The following EML1 variants were observed in gnomAD, a reference collection of about 807,000 sequenced individuals.
EML1 encodes the protein echinoderm microtubule-associated protein-like 1.
Under a neutral mutation model 110.4 loss-of-function variants are expected in EML1, and 27 were observed. The ratio of observed to expected loss-of-function variants is 0.24; its 90% CI spans 0.18 to 0.34. The LOEUF (loss-of-function observed/expected upper bound fraction) is 0.34. Among genes scored for constraint, EML1 ranks in the 10% least tolerant of loss-of-function variants. The pLI, the probability that EML1 is intolerant of heterozygous loss-of-function variation, is 1.00. For synonymous variants in EML1, 344 were observed against 385.8 expected, an observed-to-expected ratio of 0.89 and a Z score of 1.27; for missense variants, 741 against 1,030.9, an observed-to-expected ratio of 0.72 and a Z score of 3.85.
chr14:99,756,600 T>C lies in EML1; in HGVS notation c.28+18740T>C, dbSNP rs114653557. 4.6e-3 allele frequency among the ~76,000 whole-genome samples: 699 copies of C among 152,304 alleles called. 4 individuals are homozygous for C. Among genetic ancestry groups the C allele is most frequent in the African/African-American group, 0.016 (664 of 41,564 alleles). ...CTATACCTAAAGAATGGTGGGGTCA[T>C]CGACCCAATTTCTAGCACCTAAAAC... On this transcript the variant is annotated intron_variant, in intron 1 of 10. Transcript: ENST00000554479.
chr14:99,923,356 G>A (rs1432445535), intron 17 of EML1, among the ~76,000 whole-genome samples: 2 of 152,202 alleles, frequency 1.3e-5, no homozygotes, highest in Non-Finnish European at 2.9e-5. Flanking sequence ...CCAAGATCAT[G>A]AATATTTCCT....
chr14:99,899,117 G>A (rs938066348), intron 8 of EML1, among the ~76,000 whole-genome samples: 23 of 152,046 alleles, frequency 1.5e-4, no homozygotes, highest in Admixed American at 6.5e-5. Context: ...GCATTTTAAG[G>A]CGTTAGAGAG....
rs765071081 is a variant in EML1, at chr14:99,781,058, CTCCT to C, written c.-27+7048_-27+7051del. Among the ~76,000 whole-genome samples the C allele has an allele frequency of 3.9e-5, 6 of 152,124 alleles. No homozygotes were observed. The highest frequency in any genetic ancestry group is 8.8e-5 in the Non-Finnish European group (6 of 68,016). The stretch of plus-strand genomic sequence containing the variant: ...TCCTCTCCCGGGTGATGAAGCATCT[CTCCT>C]TCTTTCCAAGGACACGCGCCCCTGC... On this transcript the variant is annotated intron_variant, in intron 1 of 22. Transcript: ENST00000327921. This position sits in a 1 kb window ranked among gnomAD's most constrained non-coding sequence, Gnocchi z 4.2.
rs148031391 is a variant in EML1 at position 99,802,224 on chromosome 14, G to A, written c.67+8681G>A. Among the ~76,000 whole-genome samples the A allele has an allele frequency of 1.2e-3, 187 of 152,230 alleles. 3 individuals carry two copies. Among genetic ancestry groups the A allele is most frequent in the Middle Eastern group, 6.8e-3 (2 of 294 alleles). The stretch of plus-strand genomic sequence containing the variant: ...GAACTGAAAGAAGGTTGCCTGTGGT[G>A]AAAGGGAAAGGAGTAGCGTGGCTTG... On this transcript the variant is annotated intron_variant, in intron 1 of 21. Coordinates refer to ENST00000262233, the MANE Select transcript of EML1 (RefSeq NM_004434.3).
At position 99,939,311 on chromosome 14, in the gene EML1, C is replaced by T. The variant is rs1489609242; in HGVS notation, c.2306C>T (p.Pro769Leu). The T allele has an allele frequency of 1.9e-6, 3 of 1,614,204 alleles. No individual in the cohort carries two copies. The highest frequency in any genetic ancestry group is 2.5e-6 in the Non-Finnish European group (3 of 1,180,040). Reference sequence around the variant, plus strand: ...GGCAAAGTGCACCTCTTCTCATACCCCTGCTCGCAGTTCAGGGTAAAGGAC... The same window carrying T: ...GGCAAAGTGCACCTCTTCTCATACCTCTGCTCGCAGTTCAGGGTAAAGGAC... ...DFGKVHLFSY[P>L]CSQFRAPSHI... The change falls in exon 21 of 22, where the codon CCC becomes CTC. Residue 769 changes from proline (P) to leucine (L), a missense_variant. Around this residue, in one of 4 missense-constraint regions of EML1, gnomAD observed 114 missense variants for 122.5 expected, o/e 0.93. Transcript: ENST00000262233. This position sits in a 1 kb window ranked among gnomAD's most constrained non-coding sequence, Gnocchi z 4.2.
intron 3 of EML1, chr14:99,874,991 A>AG (rs1258719774): frequency 6.2e-7 from 1 of 1,613,268 alleles, no homozygotes; most frequent in Admixed American, 1.7e-5. Flanking sequence ...CACCAAGGTG[A>AG]GGGGAACTTA....
intron 4 of EML1, among the ~76,000 whole-genome samples, chr14:99,882,438 A>T (rs2059400674): frequency 6.6e-6 from 1 of 152,200 alleles, no homozygotes; most frequent in South Asian, 2.1e-4. Context: ...TAAGCAAGAC[A>T]CTGTTTCAGC....
chr14:99,922,483 C>T (rs1384505991), intron 17 of EML1, among the ~76,000 whole-genome samples: 1 of 151,892 alleles, frequency 6.6e-6, no homozygotes, highest in Non-Finnish European at 1.5e-5. Flanking sequence ...CATGTATATG[C>T]CTTTTTGTGT....
intron 19 of EML1, 151 bp from the exon 20 acceptor site, chr14:99,937,666 A>C: frequency 1.6e-6 from 1 of 626,214 alleles, no homozygotes. Flanking sequence ...ACATCTGTGC[A>C]CACGTGGTTC....
At chr14:99,739,797 C>T (rs965153432) in intron 1 of EML1, among the ~76,000 whole-genome samples, 10 of 152,204 alleles carry the variant, frequency 6.6e-5, no homozygotes, top group South Asian at 2.1e-4. Flanking sequence ...GATTCCTGCC[C>T]GGCAGCAACC....
At chr14:99,847,836 A>G (rs1051450137) in intron 1 of EML1, among the ~76,000 whole-genome samples, 4 of 151,484 alleles carry the variant, frequency 2.6e-5, no homozygotes, top group African/African-American at 9.7e-5. Flanking sequence ...TATACTTATT[A>G]TTTCCATGGT....
At chr14:99,868,029 A>G (rs2059131294) in intron 3 of EML1, among the ~76,000 whole-genome samples, 1 of 152,106 alleles carries the variant, frequency 6.6e-6, no homozygotes, top group East Asian at 1.9e-4. Flanking sequence ...TATCATGAAA[A>G]GGAGTTGAAT....
intron 4 of EML1, among the ~76,000 whole-genome samples, chr14:99,881,867 G>A (rs1399461499): frequency 6.6e-6 from 1 of 152,080 alleles, no homozygotes; most frequent in Non-Finnish European, 1.5e-5. Flanking sequence ...CCAAAGTGCT[G>A]GGATTACAGG....
intron 9 of EML1, chr14:99,907,431 G>A (rs1401450594): frequency 3.4e-6 from 2 of 581,184 alleles, no homozygotes; most frequent in East Asian, 2.9e-5. Context: ...TTGCACCACT[G>A]CACTGTGACC....
At chr14:99,808,372 A>G (rs1333675099) in intron 1 of EML1, among the ~76,000 whole-genome samples, 1 of 152,220 alleles carries the variant, frequency 6.6e-6, no homozygotes, top group Non-Finnish European at 1.5e-5. Flanking sequence ...AGAGACAAGG[A>G]GAGAACTTCT....
chr14:99,905,818 T>C lies in EML1; in HGVS notation c.1009-1820T>C, dbSNP rs540859215. 1.5e-3 allele frequency among the ~76,000 whole-genome samples: 228 copies of C among 152,208 alleles called. No homozygotes were observed. Among genetic ancestry groups the C allele is most frequent in the African/African-American group, 5.4e-3 (224 of 41,538 alleles). ...CCTAAGTTGGGCCTGGAACCCAAGG[T>C]CTGTCTAGCGTCCTTGCCTTTTATT... is the stretch of plus-strand genomic sequence containing the variant. On this transcript the variant is annotated intron_variant, in intron 9 of 21. Coordinates refer to ENST00000262233, the MANE Select transcript of EML1 (RefSeq NM_004434.3). This position sits in a 1 kb window ranked among gnomAD's most constrained non-coding sequence, Gnocchi z 4.1.
intron 1 of EML1, among the ~76,000 whole-genome samples, chr14:99,782,505 A>C (rs925360910): frequency 1.3e-5 from 2 of 152,072 alleles, no homozygotes; most frequent in Admixed American, 6.6e-5. Context: ...TGTTCCTGGC[A>C]CAACAGGGCA....
At chr14:99,857,197 A>C (rs903946721) in intron 2 of EML1, among the ~76,000 whole-genome samples, 5 of 152,244 alleles carry the variant, frequency 3.3e-5, no homozygotes, top group Non-Finnish European at 5.9e-5. Flanking sequence ...ACTTGAGCCC[A>C]GGAGGTCGAG....
chr14:99,903,599 G>C (rs2059794779), intron 9 of EML1, among the ~76,000 whole-genome samples: 1 of 152,008 alleles, frequency 6.6e-6, no homozygotes, highest in Admixed American at 6.6e-5. Flanking sequence ...AATTATAGGA[G>C]TTTCACCTAA....
Sources: gnomAD v4.1 joint callset for allele counts (sites outside exome capture counted in the v4.1 genomes callset) on GRCh38, gnomAD v4.1.1 for gene constraint, gnomAD v4.1.1 regional missense constraint, Gnocchi (gnomAD v3.1) non-coding constraint, MANE v1.5 for transcripts, NCBI Gene and HGNC (gene_info 2026-07-23, HGNC 2026-07-21) for gene names.